Variants in ERICH2 observed in about 807,000 individuals in gnomAD.
ERICH2 encodes the protein glutamate rich 2, also known as glutamate-rich protein 2.
In ERICH2, 17 loss-of-function variants were observed where a neutral mutation model predicts 17.4. The ratio of observed to expected loss-of-function variants is 0.98; its 90% CI spans 0.67 to 1.47. ERICH2 has a LOEUF of 1.47. Among genes scored for constraint, ERICH2 ranks in the 40% most tolerant of loss-of-function variants. The pLI is 0.00. For missense variants in ERICH2, 186 were observed against 183.2 expected (o/e 1.01, Z -0.09); for synonymous variants, 51 against 61.1 (o/e 0.83, Z 0.77).
At chr2:170,781,822 T>C (rs1300870821), upstream of ERICH2, among the ~76,000 whole-genome samples, 1 of 152,218 alleles carries the variant, frequency 6.6e-6, no homozygotes. Context: ...AAGGCTATTT[T>C]ATATTATGTC....
chr2:170,779,769 T>G, upstream of ERICH2: 1 of 859,810 alleles, frequency 1.2e-6, no homozygotes, highest in Non-Finnish European at 1.4e-6. Flanking sequence ...GAGCTATTTT[T>G]TATTCCCATT....
upstream of ERICH2, among the ~76,000 whole-genome samples, chr2:170,781,834 A>C (rs543533057): frequency 4.3e-5 from 5 of 114,948 alleles, no homozygotes; most frequent in East Asian, 1.2e-3. Flanking sequence ...TATTATGTCC[A>C]AGGGCTAATA....
chr2:170,785,350 G>GTCTCTCACTACT, intron 2 of ERICH2, among the ~76,000 whole-genome samples: 2 of 152,068 alleles, frequency 1.3e-5, no homozygotes, highest in East Asian at 3.9e-4. Context: ...CTTTCACCAG[G>GTCTCTCACTACT]TTAGAGGTGA....
chr2:170,779,933 A>G, upstream of ERICH2: 1 of 608,668 alleles, frequency 1.6e-6, no homozygotes, highest in Non-Finnish European at 2.1e-6. Context: ...TTTGACAAGT[A>G]TAAATCATTT....
At chr2:170,783,968 G>C (rs1701086216) in intron 1 of ERICH2, 18 of 1,492,148 alleles carry the variant, frequency 1.2e-5, no homozygotes, top group Non-Finnish European at 1.6e-5. Context: ...GTTTGTTTTA[G>C]AGTCATTAGT....
At chr2:170,798,299 T>C (rs1408917592) in intron 4 of ERICH2, among the ~76,000 whole-genome samples, 187 bp downstream of exon 9, 2 of 152,182 alleles carry the variant, frequency 1.3e-5, no homozygotes, top group Non-Finnish European at 2.9e-5. Flanking sequence ...CCCTTCTCTC[T>C]GTGGGATAGA....
upstream of ERICH2, among the ~76,000 whole-genome samples, chr2:170,782,838 T>C (rs146435819): frequency 3.9e-3 from 597 of 152,300 alleles, 4 homozygotes; most frequent in African/African-American, 0.012. Context: ...CTCAGCACTT[T>C]GGGAGACCAA....
chr2:170,775,278 A>C, the ERICH2 span, among the ~76,000 whole-genome samples: 6 of 151,926 alleles, frequency 3.9e-5, no homozygotes, highest in Admixed American at 3.9e-4. Context: ...AATAAAAAAA[A>C]AAAAATAGCC....
chr2:170,770,768 T>C, the ERICH2 span: 1 of 155,174 alleles, frequency 6.4e-6, no homozygotes, highest in Non-Finnish European at 1.5e-5. Flanking sequence ...CGAGGGTGTG[T>C]GCGCCCAGTT....
At chr2:170,787,709 G>T (rs1049085798) in intron 2 of ERICH2, among the ~76,000 whole-genome samples, 3 of 152,132 alleles carry the variant, frequency 2.0e-5, no homozygotes. Flanking sequence ...AGCCACCTTG[G>T]CTATAATCTC....
chr2:170,780,157 T>C (rs989352996), upstream of ERICH2, among the ~76,000 whole-genome samples: 2 of 152,012 alleles, frequency 1.3e-5, no homozygotes, highest in African/African-American at 4.8e-5. Context: ...AAGAATATTA[T>C]TGCATAAAGT....
the ERICH2 span, among the ~76,000 whole-genome samples, chr2:170,775,495 C>T: frequency 6.6e-6 from 1 of 151,782 alleles, no homozygotes; most frequent in Admixed American, 6.6e-5. Context: ...ATACAGGTAC[C>T]CAGGGGATTG....
At chr2:170,785,196 T>C (rs62168405) in intron 2 of ERICH2, among the ~76,000 whole-genome samples, 36,827 of 152,046 alleles carry the variant, frequency 0.24, 5,409 homozygotes, top group South Asian at 0.34. Context: ...ATTTGATCAT[T>C]ACACATTGTA....
chr2:170,784,377 T>A (rs1351074296), intron 1 of ERICH2, among the ~76,000 whole-genome samples: 1 of 152,196 alleles, frequency 6.6e-6, no homozygotes, highest in Non-Finnish European at 1.5e-5. Context: ...ATCTACCACT[T>A]AATTAGCTGT....
the ERICH2 span, among the ~76,000 whole-genome samples, chr2:170,773,087 C>G: frequency 6.6e-6 from 1 of 152,018 alleles, no homozygotes; most frequent in Admixed American, 6.6e-5. Context: ...TGGGGAGGTT[C>G]AGAATCTTGT....
chr2:170,787,644 G>A (rs1422899561), intron 2 of ERICH2, among the ~76,000 whole-genome samples: 1 of 152,208 alleles, frequency 6.6e-6, no homozygotes, highest in Non-Finnish European at 1.5e-5. Flanking sequence ...AAACACCTCT[G>A]CAGATTGCTG....
chr2:170,776,806 T>G, the ERICH2 span, among the ~76,000 whole-genome samples: 1 of 151,862 alleles, frequency 6.6e-6, no homozygotes, highest in Non-Finnish European at 1.5e-5. Context: ...TGGGGGTACG[T>G]GTGAAGGTTG....
chr2:170,783,894 C>T (rs781249935), intron 1 of ERICH2: 13 of 1,550,316 alleles, frequency 8.4e-6, no homozygotes, highest in African/African-American at 2.7e-5. Context: ...ATAACACAAC[C>T]GTCATACTCT....
chr2:170,771,502 A>G, the ERICH2 span: 1 of 152,238 alleles, frequency 6.6e-6, no homozygotes, highest in Non-Finnish European at 1.5e-5. The surrounding 1 kb of genome is among the most constrained non-coding windows in gnomAD (Gnocchi z 4.8). Flanking sequence ...CTACACTACC[A>G]TTCTTTGACC....
Sources: allele counts gnomAD v4.1 joint callset (sites outside exome capture counted in the v4.1 genomes callset), GRCh38; gene constraint gnomAD v4.1.1; non-coding constraint Gnocchi (gnomAD v3.1); transcripts MANE v1.5; gene names NCBI Gene and HGNC (gene_info 2026-07-23, HGNC 2026-07-21).